IQGAP1: variants seen among roughly 807,000 people sequenced by gnomAD.
IQGAP1 encodes the protein ras GTPase-activating-like protein IQGAP1.
IQGAP1 carries 66 observed loss-of-function variants against 215.6 expected under a neutral mutation model. The observed-to-expected ratio is 0.31, with a 90% CI of 0.25 to 0.38. The LOEUF (loss-of-function observed/expected upper bound fraction) is 0.38. Ranked by LOEUF, IQGAP1 falls within the 10% of genes least tolerant of loss-of-function variation. The pLI, the probability that IQGAP1 is intolerant of heterozygous loss-of-function variation, is 1.00. For synonymous variants in IQGAP1, 772 were observed against 728.7 expected (o/e 1.06, Z -0.96); for missense variants, 1,712 against 1,997.1 (o/e 0.86, Z 2.72).
chr15:90,493,643 C>A (rs1966236087), intron 35 of IQGAP1, among the ~76,000 whole-genome samples: 1 of 152,216 alleles, frequency 6.6e-6, no homozygotes, highest in Non-Finnish European at 1.5e-5. Context: ...AATATTTTGC[C>A]ATATCTGCTT....
chr15:90,494,937 G>A (rs755368589), intron 36 of IQGAP1, 102 bp downstream of exon 36: 1 of 774,446 alleles, frequency 1.3e-6, no homozygotes, highest in South Asian at 1.7e-5. Flanking sequence ...GTTACTTTTA[G>A]TATTTTTTAT....
chr15:90,429,516 T>G, intron 3 of IQGAP1, 73 bp from the exon 4 acceptor site: 1 of 1,165,012 alleles, frequency 8.6e-7, no homozygotes, highest in Admixed American at 2.5e-5. Flanking sequence ...GAGGAAACTT[T>G]TGCGAAGAGA....
rs1966121547 is a variant in IQGAP1 at position 90,486,019 on chromosome 15, G to A, written c.3922-11G>A. 2 of 1,602,784 alleles carry A rather than the reference G, an allele frequency of 1.2e-6. No homozygotes were observed. Among genetic ancestry groups the A allele is most frequent in the Non-Finnish European group, 1.7e-6 (2 of 1,170,514 alleles). ...GAATGTATAAATGGAGTTGATCATT[G>A]GTGTTTGCAGCTCCTGTTGGATCAC... On this transcript the variant is annotated splice_polypyrimidine_tract_variant and intron_variant, in intron 30 of 37. Transcript: ENST00000268182.
chr15:90,447,583 G>T (rs976785014), intron 9 of IQGAP1, among the ~76,000 whole-genome samples: 2 of 152,064 alleles, frequency 1.3e-5, no homozygotes, highest in African/African-American at 4.8e-5. Flanking sequence ...GTGAGTGGTG[G>T]TAGGGACAGG....
intron 5 of IQGAP1, among the ~76,000 whole-genome samples, chr15:90,437,880 C>T (rs182696279): frequency 6.6e-5 from 10 of 152,234 alleles, no homozygotes; most frequent in Admixed American, 2.6e-4. Context: ...CTGAGACAGG[C>T]GCTTTATATA....
chr15:90,476,499 G>A (rs1965981330), intron 23 of IQGAP1, among the ~76,000 whole-genome samples, 164 bp from the exon 24 acceptor site: 2 of 152,172 alleles, frequency 1.3e-5, no homozygotes, highest in South Asian at 2.1e-4. Flanking sequence ...TTTGACTGGT[G>A]TACTGAAAAC....
intron 28 of IQGAP1, 144 bp downstream of exon 28, chr15:90,482,425 A>T: frequency 1.3e-6 from 1 of 743,644 alleles, no homozygotes; most frequent in South Asian, 1.7e-5. Flanking sequence ...AGCAATTGTA[A>T]TTGGTAAATG....
intron 28 of IQGAP1, 72 bp from the exon 29 acceptor site, chr15:90,483,289 C>A: frequency 1.7e-6 from 2 of 1,154,854 alleles, no homozygotes; most frequent in Non-Finnish European, 2.6e-6. Flanking sequence ...CTTTTCTTTG[C>A]TAGCAAAGTC....
chr15:90,457,389 G>A (rs1965699164), intron 15 of IQGAP1, among the ~76,000 whole-genome samples: 1 of 151,344 alleles, frequency 6.6e-6, no homozygotes, highest in African/African-American at 2.4e-5. Context: ...GAAGTTTTTT[G>A]TTGTTTTGTT....
intron 28 of IQGAP1, among the ~76,000 whole-genome samples, chr15:90,482,981 C>T (rs893888040): frequency 1.3e-5 from 2 of 152,208 alleles, no homozygotes; most frequent in African/African-American, 4.8e-5. Context: ...AGCCCATCTA[C>T]ATGAAAGTAC....
chr15:90,390,669 T>C (rs1241236248), intron 1 of IQGAP1, 105 bp from the exon 2 acceptor site: 1 of 743,460 alleles, frequency 1.3e-6, no homozygotes, highest in East Asian at 2.6e-5. Context: ...TCATTAGTTA[T>C]CCTGACTTTC....
At chr15:90,486,200 T>G in intron 31 of IQGAP1, 68 bp downstream of exon 31, 1 of 1,069,138 alleles carries the variant, frequency 9.4e-7, no homozygotes, top group Admixed American at 2.0e-5. Flanking sequence ...AATTGTCACC[T>G]CCTCTATTTT....
At chr15:90,453,469 C>A (rs541646365) in intron 13 of IQGAP1, among the ~76,000 whole-genome samples, 177 bp downstream of exon 13, 1 of 152,286 alleles carries the variant, frequency 6.6e-6, no homozygotes, top group South Asian at 2.1e-4. Flanking sequence ...ACATTCCGTT[C>A]CTAAATATAT....
Position 90,492,586 on chromosome 15 carries a change from C to A in IQGAP1, c.4503C>A (p.Ala1501=), listed in dbSNP as rs750054244. 1 of 1,612,700 alleles carries A rather than the reference C, an allele frequency of 6.2e-7. No individual in the cohort carries two copies. Among genetic ancestry groups the A allele is most frequent in the Non-Finnish European group, 8.5e-7 (1 of 1,179,606 alleles). ...NQRRYRQRRK[A]ELVKLQQTYA... is the part of the protein sequence containing the mutation. ...GGAGGTACCGACAGAGGAGAAAGGC[C>A]GAACTAGTGAAACTGCAACAGACAT... Residue 1501 remains alanine (A), a synonymous_variant, in exon 35 of 38, where the codon GCC becomes GCA. Transcript: ENST00000268182.
chr15:90,464,464 A>G (rs571757485), intron 15 of IQGAP1, among the ~76,000 whole-genome samples: 3 of 152,272 alleles, frequency 2.0e-5, no homozygotes, highest in East Asian at 1.9e-4. Flanking sequence ...GTAGAATCCT[A>G]TTGTGCTAAC....
chr15:90,429,726 A>T (rs1032533401), intron 4 of IQGAP1, 60 bp downstream of exon 4: 4 of 1,064,516 alleles, frequency 3.8e-6, no homozygotes, highest in African/African-American at 1.6e-5. Flanking sequence ...TAACCCTCAA[A>T]CAACCTGTTC....
In IQGAP1 at chr15:90,501,199, A is replaced by G. The variant is rs1966336423; in HGVS notation, c.*1091A>G. Reference sequence around the variant, plus strand: ...TTTAATTGTCTAAAACAAAAACAAAACCAGCCAACCTATGTTACACGTGAG... The same window carrying G: ...TTTAATTGTCTAAAACAAAAACAAAGCCAGCCAACCTATGTTACACGTGAG... On this transcript the variant is annotated 3_prime_UTR_variant, in exon 38 of 38. Transcript: ENST00000268182. The G allele has an allele frequency of 6.6e-6, 1 of 152,438 alleles. No individual in the cohort carries two copies. The highest frequency in any genetic ancestry group is 2.4e-5 in the African/African-American group (1 of 41,418). The allele number at this position is 152,438 out of a possible 1,614,324, so 9.4% of individuals were successfully genotyped here. A position where few individuals can be genotyped will look rare whatever the true frequency, so the allele number is the denominator to read the frequency against.
intron 11 of IQGAP1, among the ~76,000 whole-genome samples, chr15:90,450,330 CTTTTTTTTTTTTTTTTT>C (rs869037347): frequency 4.6e-4 from 25 of 54,462 alleles, no homozygotes; most frequent in East Asian, 2.9e-3. Context: ...TATACACTAC[CTTTTTTTTTTTTTTTTT>C]TTTTTTTTTT....
At chr15:90,493,691 C>G (rs1966236731) in intron 35 of IQGAP1, among the ~76,000 whole-genome samples, 1 of 152,200 alleles carries the variant, frequency 6.6e-6, no homozygotes, top group Non-Finnish European at 1.5e-5. Flanking sequence ...CTGTTTCTCT[C>G]TTTCCATGGA....
Sources: gnomAD v4.1 joint callset for allele counts (sites outside exome capture counted in the v4.1 genomes callset) on GRCh38, gnomAD v4.1.1 for gene constraint, MANE v1.5 for transcripts, NCBI Gene and HGNC (gene_info 2026-07-23, HGNC 2026-07-21) for gene names.